DPP10: variants seen among roughly 807,000 people sequenced by gnomAD.
The protein encoded by DPP10 is inactive dipeptidyl peptidase 10.
In DPP10, 33 loss-of-function variants were observed where a neutral mutation model predicts 120.9. That is an observed-to-expected ratio of 0.27 (90% confidence interval 0.21 to 0.37). DPP10 has a LOEUF of 0.37. Ranked by LOEUF, DPP10 falls within the 10% of genes least tolerant of loss-of-function variation. The probability of loss-of-function intolerance (pLI) is 1.00; values close to 1 mark genes in which losing one functional copy is unlikely to be tolerated. For synonymous variants in DPP10, 337 were observed against 326.1 expected, an observed-to-expected ratio of 1.03 and a Z score of -0.36; for missense variants, 816 against 942.8, an observed-to-expected ratio of 0.87 and a Z score of 1.76.
intron 3 of DPP10, among the ~76,000 whole-genome samples, chr2:115,400,471 C>A (rs1004866575): frequency 6.0e-5 from 7 of 117,324 alleles, no homozygotes; most frequent in Non-Finnish European, 1.4e-4. Flanking sequence ...TGATATCTAC[C>A]CATAAGTAAA....
chr2:115,673,478 A>G (rs1033694705), intron 5 of DPP10, among the ~76,000 whole-genome samples: 1 of 152,218 alleles, frequency 6.6e-6, no homozygotes, highest in African/African-American at 2.4e-5. Context: ...AGACATGCCT[A>G]AGAGTACCCA....
At position 115,105,037 on chromosome 2, in the gene DPP10, A is replaced by G. The variant is rs111341269; in HGVS notation, c.61-204202A>G. 7.4e-3 allele frequency among the ~76,000 whole-genome samples: 1,133 copies of G among 152,178 alleles called. 4 individuals are homozygous for G. The highest frequency in any genetic ancestry group is 0.012 in the Non-Finnish European group (840 of 68,012). On this transcript the variant is annotated intron_variant, in intron 1 of 25. Coordinates refer to ENST00000410059, the MANE Select transcript of DPP10 (RefSeq NM_020868.6). ...AAAAAAAATCTGTTTTATAAAATCA[A>G]CGTTTGCTTGAATTGATTGAATTTC...
intron 3 of DPP10, among the ~76,000 whole-genome samples, chr2:115,351,496 C>G (rs150171370): frequency 6.6e-6 from 1 of 151,732 alleles, no homozygotes; most frequent in African/African-American, 2.4e-5. Context: ...TGTAACAAAT[C>G]CACACATATA....
chr2:115,474,326 C>G (rs1454291099), intron 3 of DPP10, among the ~76,000 whole-genome samples: 1 of 152,188 alleles, frequency 6.6e-6, no homozygotes, highest in South Asian at 2.1e-4. Flanking sequence ...CACGAGTCCT[C>G]TGTCCTCTTA....
chr2:115,809,598 G>A (rs1203444193), intron 19 of DPP10, among the ~76,000 whole-genome samples: 1 of 151,790 alleles, frequency 6.6e-6, no homozygotes, highest in African/African-American at 2.4e-5. Flanking sequence ...CAATTAAATT[G>A]CAACCCTTGG....
intron 1 of DPP10, among the ~76,000 whole-genome samples, chr2:114,916,582 A>G (rs1210752445): frequency 6.6e-6 from 1 of 152,212 alleles, no homozygotes; most frequent in Non-Finnish European, 1.5e-5. Context: ...TCAACAAAAT[A>G]CAAGAAAATC....
At chr2:115,380,362 C>G (rs999427176) in intron 3 of DPP10, among the ~76,000 whole-genome samples, 3 of 152,126 alleles carry the variant, frequency 2.0e-5, no homozygotes, top group African/African-American at 7.2e-5. Context: ...TTATCAGAGA[C>G]TAGGATTGCA....
chr2:114,740,298 A>T (rs1455699235), intron 1 of DPP10, among the ~76,000 whole-genome samples: 1 of 144,934 alleles, frequency 6.9e-6, no homozygotes, highest in African/African-American at 2.6e-5. Flanking sequence ...ACAGGTGGGA[A>T]TTGAACAATG....
chr2:114,801,922 C>A (rs1259435712), intron 1 of DPP10, among the ~76,000 whole-genome samples: 1 of 151,752 alleles, frequency 6.6e-6, no homozygotes, highest in African/African-American at 2.4e-5. Context: ...CATGTGGACT[C>A]AACTTATCAG....
At chr2:115,583,375 T>A (rs946616657) in intron 5 of DPP10, among the ~76,000 whole-genome samples, 1 of 152,204 alleles carries the variant, frequency 6.6e-6, no homozygotes, top group Non-Finnish European at 1.5e-5. Flanking sequence ...TTCCACTGGA[T>A]ATTAACGGAG....
chr2:114,711,749 G>A (rs888617377), intron 1 of DPP10, among the ~76,000 whole-genome samples: 23 of 151,994 alleles, frequency 1.5e-4, no homozygotes, highest in Non-Finnish European at 3.4e-4. Flanking sequence ...AGAGAGAACT[G>A]TTTTGTTCTT....
At position 115,309,373 on chromosome 2, in the gene DPP10, C is replaced by T; in HGVS notation, c.175+20C>T. 4 of 1,597,430 alleles carry T rather than the reference C, an allele frequency of 2.5e-6. No individual in the cohort carries two copies. The highest frequency in any genetic ancestry group is 3.4e-6 in the Non-Finnish European group (4 of 1,165,624). On this transcript the variant is annotated intron_variant, in intron 2 of 25. Transcript: ENST00000410059. The stretch of plus-strand genomic sequence containing the variant: ...CCCCAGGTAATCTGTCTTTATTCCT[C>T]TCTTATGATGGATGGTATTGTGGAT...
chr2:115,031,992 C>A (rs1172798655), intron 1 of DPP10, among the ~76,000 whole-genome samples: 2 of 151,828 alleles, frequency 1.3e-5, no homozygotes, highest in Non-Finnish European at 2.9e-5. Flanking sequence ...AAGCTTGAGC[C>A]TATTACGTAT....
rs181158607 is a variant in DPP10 at position 114,676,427 on chromosome 2, A to C, written c.60+233589A>C. 7.9e-3 allele frequency among the ~76,000 whole-genome samples: 1,198 copies of C among 152,268 alleles called. 51 individuals are homozygous for C. The highest frequency in any genetic ancestry group is 0.073 in the Admixed American group (1,111 of 15,272). ...TATCAATTGTATCTGTTTTGTGGTG[A>C]GCATTATTGGTAGTATAAGGATTTT... On this transcript the variant is annotated intron_variant, in intron 1 of 25. Coordinates refer to ENST00000410059, the MANE Select transcript of DPP10 (RefSeq NM_020868.6).
chr2:115,118,558 A>G (rs1178743143), intron 1 of DPP10, among the ~76,000 whole-genome samples: 1 of 152,028 alleles, frequency 6.6e-6, no homozygotes, highest in Non-Finnish European at 1.5e-5. Context: ...GATAAAGGCA[A>G]GTTTGTTTTT....
chr2:114,733,795 G>A (rs895206048), intron 1 of DPP10, among the ~76,000 whole-genome samples: 1 of 152,054 alleles, frequency 6.6e-6, no homozygotes, highest in African/African-American at 2.4e-5. Flanking sequence ...TGAATATAAC[G>A]ATCCAGAGAA....
intron 3 of DPP10, among the ~76,000 whole-genome samples, chr2:115,392,705 T>A (rs1438791493): frequency 6.6e-6 from 1 of 152,154 alleles, no homozygotes; most frequent in African/African-American, 2.4e-5. Flanking sequence ...TATTTTAATT[T>A]CAGTGTCTGT....
At chr2:115,379,171 C>G (rs2066073556) in intron 3 of DPP10, among the ~76,000 whole-genome samples, 1 of 152,202 alleles carries the variant, frequency 6.6e-6, no homozygotes, top group South Asian at 2.1e-4. Flanking sequence ...AGCTGTGAAT[C>G]CATCTGGTCC....
chr2:114,768,392 GAATA>G (rs1680934913), intron 1 of DPP10, among the ~76,000 whole-genome samples: 1 of 152,164 alleles, frequency 6.6e-6, no homozygotes, highest in Non-Finnish European at 1.5e-5. Context: ...TTATCCTTAA[GAATA>G]AATGATCACG....
Sources: allele counts gnomAD v4.1 joint callset (sites outside exome capture counted in the v4.1 genomes callset), GRCh38; gene constraint gnomAD v4.1.1; transcripts MANE v1.5; gene names NCBI Gene and HGNC (gene_info 2026-07-23, HGNC 2026-07-21).